DNAJC6: variants seen among roughly 807,000 people sequenced by gnomAD.
DNAJC6 encodes auxilin.
DNAJC6 carries 34 observed loss-of-function variants against 110.0 expected under a neutral mutation model. The observed-to-expected ratio is 0.31, with a 90% CI of 0.24 to 0.41. DNAJC6 has a LOEUF of 0.41. Among genes scored for constraint, DNAJC6 ranks in the 10% least tolerant of loss-of-function variants. The pLI, the probability that DNAJC6 is intolerant of heterozygous loss-of-function variation, is 1.00. For missense variants in DNAJC6, 1,031 were observed against 1,207.8 expected, an observed-to-expected ratio of 0.85 and a Z score of 2.17; for synonymous variants, 406 against 437.2, an observed-to-expected ratio of 0.93 and a Z score of 0.89.
chr1:65,344,212 C>G (rs1645415892), intron 1 of DNAJC6, among the ~76,000 whole-genome samples: 1 of 152,178 alleles, frequency 6.6e-6, no homozygotes, highest in Admixed American at 6.5e-5. Context: ...GCTCTTTCCT[C>G]CCTCCAGGGG....
At position 65,374,654 on chromosome 1, in the gene DNAJC6, G is replaced by A. The variant is rs141935395; in HGVS notation, c.544-4748G>A. On this transcript the variant is annotated intron_variant, in intron 4 of 18. Transcript: ENST00000371069. ...TGTATTCTGCAACTTTACTGAATTCGTTTGTCAGTTCTAACAGTTTTTTTG... is the reference window on the plus strand; with the variant it reads ...TGTATTCTGCAACTTTACTGAATTCATTTGTCAGTTCTAACAGTTTTTTTG... Among the ~76,000 whole-genome samples, 365 of 152,176 alleles carry A rather than the reference G, an allele frequency of 2.4e-3. 2 individuals are homozygous for A. The highest frequency in any genetic ancestry group is 7.8e-3 in the African/African-American group (323 of 41,520).
intron 1 of DNAJC6, among the ~76,000 whole-genome samples, chr1:65,341,668 G>A (rs567075570): frequency 1.1e-3 from 164 of 152,192 alleles, no homozygotes; most frequent in African/African-American, 3.9e-3. Flanking sequence ...TGGTTCTTCG[G>A]GCTCATGCTC....
chr1:65,388,227 A>G (rs1645890901), intron 8 of DNAJC6, 109 bp from the exon 9 acceptor site: 1 of 938,400 alleles, frequency 1.1e-6, no homozygotes, highest in Admixed American at 1.7e-5. Flanking sequence ...GTAAACACAA[A>G]TTCAGATATT....
chr1:65,407,109 T>G (rs897926967), intron 16 of DNAJC6, among the ~76,000 whole-genome samples: 1 of 152,192 alleles, frequency 6.6e-6, no homozygotes, highest in African/African-American at 2.4e-5. Flanking sequence ...CATTTCAAAT[T>G]GTGCACTATT....
rs544336091 is a variant in DNAJC6, at chr1:65,276,124, C to T, written c.-131+11192C>T. Among the ~76,000 whole-genome samples, 9 of 152,288 alleles carry T rather than the reference C, an allele frequency of 5.9e-5. No homozygotes were observed. The East Asian group carries it at 1.4e-3, about 23-fold the overall frequency. Reference sequence around the variant, plus strand: ...CTTGAACTCCTGGCCTGAAGTGATCCGCTCACCTTGACCTCCCAAAGTGCT... The same window carrying T: ...CTTGAACTCCTGGCCTGAAGTGATCTGCTCACCTTGACCTCCCAAAGTGCT... On this transcript the variant is annotated intron_variant, in intron 1 of 19. Coordinates refer to the DNAJC6 transcript ENST00000263441.
chr1:65,353,783 C>A (rs556893045), intron 1 of DNAJC6, among the ~76,000 whole-genome samples: 1 of 152,012 alleles, frequency 6.6e-6, no homozygotes, highest in Non-Finnish European at 1.5e-5. Flanking sequence ...TACAATAAAG[C>A]GCATGTTGTA....
Position 65,385,849 on chromosome 1 carries a change from A to T in DNAJC6, c.938A>T (p.Asp313Val). The T allele has an allele frequency of 6.2e-7, 1 of 1,613,888 alleles. No individual in the cohort carries two copies. Among genetic ancestry groups the T allele is most frequent in the Admixed American group, 1.7e-5 (1 of 60,026 alleles). The change falls in exon 7 of 19, where the codon GAT (aspartate) becomes GTT (valine). Residue 313 changes from aspartate to valine, a missense_variant. Coordinates refer to ENST00000371069, the MANE Select transcript of DNAJC6 (RefSeq NM_001256864.2). ...AGGAATGGATGTCGCCCTTACTGTGATGTACTCATTGGAGAAACCAAAATA... is the reference window on the plus strand; with the variant it reads ...AGGAATGGATGTCGCCCTTACTGTGTTGTACTCATTGGAGAAACCAAAATA... The part of the protein sequence containing the change: ...KQRNGCRPYC[D>V]VLIGETKIYS...
intron 1 of DNAJC6, among the ~76,000 whole-genome samples, chr1:65,355,535 G>C (rs1452531882): frequency 1.3e-5 from 2 of 152,138 alleles, no homozygotes; most frequent in Admixed American, 1.3e-4. Context: ...GAGCAGCTGT[G>C]TCCAGGGCCA....
intron 1 of DNAJC6, among the ~76,000 whole-genome samples, chr1:65,269,264 A>T (rs1290828859): frequency 6.6e-6 from 1 of 151,858 alleles, no homozygotes; most frequent in Non-Finnish European, 1.5e-5. Flanking sequence ...GCTACTGGGG[A>T]GGCTGAGACA....
At chr1:65,333,747 A>G (rs2101462173) in intron 1 of DNAJC6, among the ~76,000 whole-genome samples, 1 of 152,214 alleles carries the variant, frequency 6.6e-6, no homozygotes, top group African/African-American at 2.4e-5. Flanking sequence ...AACCCTAATA[A>G]TGCTCTCTAC....
chr1:65,357,482 T>C (rs1645554398), intron 1 of DNAJC6, among the ~76,000 whole-genome samples: 1 of 152,156 alleles, frequency 6.6e-6, no homozygotes, highest in Admixed American at 6.5e-5. Flanking sequence ...CAAGTGTTGG[T>C]TGAATTCTTG....
chr1:65,280,488 A>G (rs1653810613), intron 1 of DNAJC6, among the ~76,000 whole-genome samples: 1 of 152,232 alleles, frequency 6.6e-6, no homozygotes, highest in African/African-American at 2.4e-5. Flanking sequence ...TTACCAGGAC[A>G]ATATGTTTAC....
At position 65,392,836 on chromosome 1, in the gene DNAJC6, C is replaced by T; in HGVS notation, c.1874C>T (p.Ser625Phe). The change falls in exon 12 of 19, where the codon TCT becomes TTT. Residue 625 changes from serine to phenylalanine, a missense_variant. Coordinates refer to ENST00000371069, the MANE Select transcript of DNAJC6 (RefSeq NM_001256864.2). Reference protein sequence around the residue: ...STPRRSATSTSASPTLRVGEG... With the variant: ...STPRRSATSTFASPTLRVGEG... ...CCACGCCGCTCTGCCACCTCCACCT[C>T]TGCGTCTCCAACCCTAAGAGTGGGA... The T allele has an allele frequency of 6.5e-7, 1 of 1,540,986 alleles. No homozygotes were observed. The highest frequency in any genetic ancestry group is 1.3e-5 in the South Asian group (1 of 77,716).
chr1:65,309,950 C>G lies in DNAJC6; in HGVS notation c.193+12C>G, dbSNP rs935388770. 4.9e-6 allele frequency: 7 copies of G among 1,437,518 alleles called. No individual in the cohort carries two copies. Among genetic ancestry groups the G allele is most frequent in the East Asian group, 2.9e-5 (1 of 34,400 alleles). The allele number at this position is 1,437,518 out of a possible 1,614,324, so 89.0% of individuals were successfully genotyped here. A position where few individuals can be genotyped will look rare whatever the true frequency, so the allele number is the denominator to read the frequency against. On this transcript the variant is annotated intron_variant, in intron 1 of 18. Transcript: ENST00000371069. ...CATGGACAGCTCAGGTAGCGCTGCC[C>G]GAGGGGAGTGCAGCGCTGAGCCCCG...
At chr1:65,330,718 C>T (rs760464876) in intron 1 of DNAJC6, among the ~76,000 whole-genome samples, 3 of 152,320 alleles carry the variant, frequency 2.0e-5, no homozygotes, top group East Asian at 1.9e-4. Flanking sequence ...CCGCCAGTCT[C>T]GGCCTCCCAA....
At chr1:65,365,121 C>T (rs923282770) in intron 2 of DNAJC6, among the ~76,000 whole-genome samples, 1 of 151,832 alleles carries the variant, frequency 6.6e-6, no homozygotes, top group Non-Finnish European at 1.5e-5. Flanking sequence ...TTTTTTATAC[C>T]CTGACAGGAT....
intron 1 of DNAJC6, among the ~76,000 whole-genome samples, chr1:65,284,326 T>C (rs889823695): frequency 3.3e-5 from 5 of 152,220 alleles, no homozygotes; most frequent in African/African-American, 1.2e-4. Flanking sequence ...TTTCTGTTTC[T>C]TGCAGAAGCC....
At chr1:65,304,479 C>T (rs919222346) in intron 1 of DNAJC6, among the ~76,000 whole-genome samples, 5 of 152,190 alleles carry the variant, frequency 3.3e-5, no homozygotes, top group Non-Finnish European at 5.9e-5. Flanking sequence ...AACTGTAGCA[C>T]TTAAATGACT....
At chr1:65,309,502 CGG>C, upstream of DNAJC6, 10 of 1,117,962 alleles carry the variant, frequency 8.9e-6, no homozygotes, top group Non-Finnish European at 1.0e-5. Flanking sequence ...CGCCCCCGCC[CGG>C]CCGCGTCTCC....
Sources: allele counts gnomAD v4.1 joint callset (sites outside exome capture counted in the v4.1 genomes callset), GRCh38; gene constraint gnomAD v4.1.1; transcripts MANE v1.5; gene names NCBI Gene and HGNC (gene_info 2026-07-23, HGNC 2026-07-21).